The following CSMD1 variants were observed in gnomAD, a reference collection of about 807,000 sequenced individuals.
CSMD1 encodes the protein CUB and Sushi multiple domains 1.
A neutral mutation model predicts 417.5 loss-of-function variants in CSMD1; 213 were observed. The ratio of observed to expected loss-of-function variants is 0.51; its 90% CI spans 0.46 to 0.57. The LOEUF (loss-of-function observed/expected upper bound fraction) is 0.57. Ranked by LOEUF, CSMD1 falls within the 20% of genes least tolerant of loss-of-function variation. The probability of loss-of-function intolerance (pLI) is 0.00; values close to 1 mark genes in which losing one functional copy is unlikely to be tolerated. For missense variants in CSMD1, 6,923 were observed against 4,529.7 expected, an observed-to-expected ratio of 1.53 and a Z score of -15.17; for synonymous variants, 2,862 against 1,736.8, an observed-to-expected ratio of 1.65 and a Z score of -16.11.
At chr8:3,737,538 T>A (rs2129049341) in intron 6 of CSMD1, among the ~76,000 whole-genome samples, 1 of 152,360 alleles carries the variant, frequency 6.6e-6, no homozygotes, top group South Asian at 2.1e-4. Flanking sequence ...TGGTTTCTTT[T>A]TACCAATCTC....
intron 5 of CSMD1, among the ~76,000 whole-genome samples, chr8:3,875,220 C>T (rs370176293): frequency 6.6e-6 from 1 of 152,106 alleles, no homozygotes; most frequent in African/African-American, 2.4e-5. Flanking sequence ...CGGGAGCCAC[C>T]ACAATGGTCC....
intron 24 of CSMD1, among the ~76,000 whole-genome samples, chr8:3,308,065 AATAATATG>A (rs1805023683): frequency 9.8e-5 from 3 of 30,696 alleles, no homozygotes; most frequent in African/African-American, 5.0e-4. Context: ...TGATAATTCT[AATAATATG>A]TGATAATTCT....
At position 3,370,677 on chromosome 8, in the gene CSMD1, A is replaced by G. The variant is rs571568013; in HGVS notation, c.2783-1307T>C. 6.6e-5 allele frequency among the ~76,000 whole-genome samples: 10 copies of G among 152,296 alleles called. No homozygotes were observed. In the South Asian group the frequency reaches 1.5e-3, roughly 22 times the overall value. On this transcript the variant is annotated intron_variant, in intron 18 of 69. Coordinates refer to ENST00000635120, the MANE Select transcript of CSMD1 (RefSeq NM_033225.6). ...AATCTGCTGAGGGCTGGAACCGAATAAAAAGGCAGAGAAAAGGCTGGGCAC... is the reference window on the plus strand; with the variant it reads ...AATCTGCTGAGGGCTGGAACCGAATGAAAAGGCAGAGAAAAGGCTGGGCAC...
intron 3 of CSMD1, among the ~76,000 whole-genome samples, chr8:4,096,689 C>G (rs1227214373): frequency 1.3e-5 from 2 of 152,194 alleles, no homozygotes; most frequent in East Asian, 1.9e-4. Context: ...TCAGACTTTC[C>G]AAAAGCGTCA....
chr8:3,149,430 T>G (rs985364659), intron 40 of CSMD1, among the ~76,000 whole-genome samples: 6 of 152,210 alleles, frequency 3.9e-5, no homozygotes, highest in East Asian at 1.9e-4. Context: ...TGTTGTTGTT[T>G]ATCACGTGCC....
At chr8:3,455,004 T>C (rs975857828) in intron 12 of CSMD1, among the ~76,000 whole-genome samples, 2 of 152,150 alleles carry the variant, frequency 1.3e-5, no homozygotes, top group African/African-American at 4.8e-5. Context: ...GGAGGCTTTG[T>C]TTGTTTCTTT....
At chr8:4,283,035 T>A (rs1359348510) in intron 3 of CSMD1, among the ~76,000 whole-genome samples, 1 of 151,958 alleles carries the variant, frequency 6.6e-6, no homozygotes, top group Non-Finnish European at 1.5e-5. Context: ...TATTTTCATT[T>A]AAAAAAAATG....
At chr8:3,163,919 G>C (rs1451320900) in intron 37 of CSMD1, among the ~76,000 whole-genome samples, 1 of 152,152 alleles carries the variant, frequency 6.6e-6, no homozygotes, top group Non-Finnish European at 1.5e-5. Context: ...TGCACAGGTC[G>C]GTGTGTCCAT....
At chr8:4,888,135 C>T (rs997404167) in intron 1 of CSMD1, among the ~76,000 whole-genome samples, 6 of 151,196 alleles carry the variant, frequency 4.0e-5, no homozygotes, top group Admixed American at 2.6e-4. Flanking sequence ...AATCTAAATG[C>T]CATATATAAA....
intron 5 of CSMD1, among the ~76,000 whole-genome samples, chr8:3,891,570 C>G (rs1423060625): frequency 6.6e-6 from 1 of 152,050 alleles, no homozygotes; most frequent in African/African-American, 2.4e-5. Flanking sequence ...GTAGTCTCAA[C>G]TAGTTGGGAG....
intron 5 of CSMD1, among the ~76,000 whole-genome samples, chr8:3,906,627 T>A: frequency 9.6e-6 from 1 of 104,624 alleles, no homozygotes; most frequent in South Asian, 3.2e-4. Context: ...AAACCTAAGC[T>A]TTTTTTTTTT....
chr8:4,126,887 T>G (rs1015490220), intron 3 of CSMD1, among the ~76,000 whole-genome samples: 2 of 152,234 alleles, frequency 1.3e-5, no homozygotes, highest in Middle Eastern at 3.4e-3. Flanking sequence ...ATCTGTCTCC[T>G]GGGAATGGGT....
At chr8:4,135,984 A>G (rs1244972680) in intron 3 of CSMD1, among the ~76,000 whole-genome samples, 3 of 152,184 alleles carry the variant, frequency 2.0e-5, no homozygotes, top group Non-Finnish European at 4.4e-5. Flanking sequence ...AGTCCTAGTC[A>G]TTTTCATCAC....
At chr8:3,989,902 A>G (rs1814616299) in intron 5 of CSMD1, among the ~76,000 whole-genome samples, 1 of 152,206 alleles carries the variant, frequency 6.6e-6, no homozygotes, top group South Asian at 2.1e-4. Flanking sequence ...TCCTCCATGA[A>G]ATTGTGCAAA....
chr8:4,034,519 A>G (rs1797516174), intron 3 of CSMD1, among the ~76,000 whole-genome samples: 1 of 152,344 alleles, frequency 6.6e-6, no homozygotes, highest in African/African-American at 2.4e-5. Context: ...ATAGTACATT[A>G]AAAGTGACAT....
chr8:4,886,280 C>T (rs918504591), intron 1 of CSMD1, among the ~76,000 whole-genome samples: 1 of 152,052 alleles, frequency 6.6e-6, no homozygotes, highest in Non-Finnish European at 1.5e-5. Context: ...CCGTTTTGAG[C>T]TTCAACTTTG....
At chr8:4,398,554 C>G (rs565244723) in intron 3 of CSMD1, among the ~76,000 whole-genome samples, 1 of 151,732 alleles carries the variant, frequency 6.6e-6, no homozygotes. Context: ...CCACCATGCC[C>G]GGCCAAATTT....
intron 7 of CSMD1, among the ~76,000 whole-genome samples, chr8:3,634,080 G>T (rs527525231): frequency 6.6e-6 from 1 of 152,132 alleles, no homozygotes; most frequent in Non-Finnish European, 1.5e-5. Flanking sequence ...GGTGGTGGGG[G>T]GAGGGGGCCG....
chr8:4,370,079 G>A (rs1481078230), intron 3 of CSMD1, among the ~76,000 whole-genome samples: 2 of 151,858 alleles, frequency 1.3e-5, no homozygotes, highest in African/African-American at 4.9e-5. Context: ...TTCGGTGGTA[G>A]TCATTCTTTC....
Sources: allele counts gnomAD v4.1 joint callset (sites outside exome capture counted in the v4.1 genomes callset), GRCh38; gene constraint gnomAD v4.1.1; transcripts MANE v1.5; gene names NCBI Gene and HGNC (gene_info 2026-07-23, HGNC 2026-07-21).